The following ZNF282 variants were observed in gnomAD, a reference collection of about 807,000 sequenced individuals.
ZNF282 encodes zinc finger protein 282.
In ZNF282, 30 loss-of-function variants were observed where a neutral mutation model predicts 61.9. That is an observed-to-expected ratio of 0.48 (90% CI 0.36 to 0.66). The LOEUF (loss-of-function observed/expected upper bound fraction) is 0.66. ZNF282 is among the 30% of genes least tolerant of loss of function. The probability of loss-of-function intolerance (pLI) is 0.00; values close to 1 mark genes in which losing one functional copy is unlikely to be tolerated. For synonymous variants in ZNF282, 396 were observed against 405.0 expected (o/e 0.98, Z 0.27); for missense variants, 788 against 941.4 (o/e 0.84, Z 2.13).
chr7:149,217,117 A>T (rs1330317997), intron 7 of ZNF282, among the ~76,000 whole-genome samples: 1 of 152,224 alleles, frequency 6.6e-6, no homozygotes, highest in African/African-American at 2.4e-5. Context: ...CACCCTCTTG[A>T]AATTCCCACA....
chr7:149,221,568 CAG>C (rs1563181280), intron 7 of ZNF282, among the ~76,000 whole-genome samples: 1 of 152,126 alleles, frequency 6.6e-6, no homozygotes, highest in African/African-American at 2.4e-5. Context: ...ACTGGGTAGA[CAG>C]AGAAGCAAAC....
Position 149,195,722 on chromosome 7 carries a change from G to C in ZNF282, c.133G>C (p.Gly45Arg), listed in dbSNP as rs765727270. The change falls in exon 1 of 8, where the codon GGG becomes CGG. Residue 45 changes from glycine to arginine, a missense_variant. Gly to Arg is a moderately radical substitution (Grantham distance 125). Transcript: ENST00000610704. ...CTGCCACCAGGAGCCGGCGCTGCGC[G>C]GGGAAATGGCCGAGGGAATGCCGCC... ...EVCHQEPALR[G>R]EMAEGMPPMQ... 16 of 1,543,564 alleles carry C rather than the reference G, an allele frequency of 1.0e-5. No homozygotes were observed. Among genetic ancestry groups the C allele is most frequent in the Non-Finnish European group, 1.4e-5 (16 of 1,145,862 alleles).
In ZNF282 at chr7:149,225,253, C is replaced by A. The variant is rs1480480906; in HGVS notation, c.*606C>A. ...CCAATCACACGGGAAGGGGCGCGCG[C>A]TGCCCAACCGCGCTCTCCGCCTACC... On this transcript the variant is annotated 3_prime_UTR_variant, in exon 8 of 8. Transcript: ENST00000610704. The A allele has an allele frequency of 1.9e-5, 3 of 154,054 alleles. No homozygotes were observed. The highest frequency in any genetic ancestry group is 2.9e-5 in the Non-Finnish European group (2 of 69,140). The allele number at this position is 154,054 out of a possible 1,614,324, so 9.5% of individuals were successfully genotyped here. A position where few individuals can be genotyped will look rare whatever the true frequency, so the allele number is the denominator to read the frequency against.
intron 2 of ZNF282, among the ~76,000 whole-genome samples, chr7:149,200,671 C>T (rs1795894506): frequency 6.6e-6 from 1 of 152,192 alleles, no homozygotes; most frequent in South Asian, 2.1e-4. Flanking sequence ...TCTTGGCTCA[C>T]TGCAACCTCT....
At chr7:149,195,782 C>T (rs1217580683) in intron 1 of ZNF282, 28 bp downstream of exon 1, 5 of 1,467,702 alleles carry the variant, frequency 3.4e-6, no homozygotes, top group Non-Finnish European at 3.6e-6. Context: ...GCGCCATGGC[C>T]GCGCTGCCGT....
At position 149,195,585 on chromosome 7, in the gene ZNF282, C is replaced by A. The variant is rs761003697; in HGVS notation, c.-5C>A. ...CCGACCCGAGCGGGGAACAGCACTCCCAGGATGCAGTTTGTGTCAACACGG... is the reference window on the plus strand; with the variant it reads ...CCGACCCGAGCGGGGAACAGCACTCACAGGATGCAGTTTGTGTCAACACGG... On this transcript the variant is annotated 5_prime_UTR_variant, in exon 1 of 8. Coordinates refer to ENST00000610704, the MANE Select transcript of ZNF282 (RefSeq NM_003575.4). The A allele has an allele frequency of 6.2e-7, 1 of 1,609,716 alleles. No individual in the cohort carries two copies. The highest frequency in any genetic ancestry group is 8.5e-7 in the Non-Finnish European group (1 of 1,178,350).
chr7:149,219,882 T>C (rs1314729284), intron 7 of ZNF282, among the ~76,000 whole-genome samples: 1 of 151,778 alleles, frequency 6.6e-6, no homozygotes, highest in Non-Finnish European at 1.5e-5. Context: ...ATGGCAAGGG[T>C]GCATGCCTGA....
chr7:149,201,623 G>A (rs1012251195), intron 2 of ZNF282, among the ~76,000 whole-genome samples: 6 of 152,056 alleles, frequency 3.9e-5, no homozygotes, highest in Non-Finnish European at 7.4e-5. Flanking sequence ...ATGGTGGCAG[G>A]CACCTGTAAT....
chr7:149,199,724 C>G (rs933222101), intron 2 of ZNF282, among the ~76,000 whole-genome samples: 1 of 152,048 alleles, frequency 6.6e-6, no homozygotes, highest in African/African-American at 2.4e-5. Context: ...ATAATGGGTC[C>G]CCATGTATCC....
intron 2 of ZNF282, among the ~76,000 whole-genome samples, chr7:149,199,258 G>A (rs1259254737): frequency 2.6e-5 from 4 of 152,078 alleles, no homozygotes; most frequent in Non-Finnish European, 4.4e-5. Context: ...TTTCCTCCCG[G>A]ATCCTCAATG....
chr7:149,213,774 C>A lies in ZNF282; in HGVS notation c.1140C>A (p.Arg380=). 1 of 1,613,930 alleles carries A rather than the reference C, an allele frequency of 6.2e-7. No homozygotes were observed. The highest frequency in any genetic ancestry group is 8.5e-7 in the Non-Finnish European group (1 of 1,179,962). Residue 380 remains arginine, a synonymous_variant, in exon 7 of 8, where the codon CGC becomes CGA. Coordinates refer to ENST00000610704, the MANE Select transcript of ZNF282 (RefSeq NM_003575.4). ...AGCAGCCATACCCATGGGGACCACG[C>A]GACTCAATGGACGGAGAGCTTGGAT... is the stretch of plus-strand genomic sequence containing the variant. ...QEEQPYPWGP[R]DSMDGELGLD...
chr7:149,221,522 T>A (rs978281308), intron 7 of ZNF282, among the ~76,000 whole-genome samples: 2 of 152,182 alleles, frequency 1.3e-5, no homozygotes, highest in African/African-American at 4.8e-5. Context: ...GCAAGTCCTC[T>A]GGGAATAACA....
intron 3 of ZNF282, 131 bp from the exon 4 acceptor site, chr7:149,207,220 G>T: frequency 1.7e-6 from 2 of 1,177,900 alleles, no homozygotes; most frequent in Non-Finnish European, 1.1e-6. Context: ...CGCCTAACTC[G>T]CATAACTGCT....
chr7:149,196,776 G>T (rs1279200475), intron 1 of ZNF282, among the ~76,000 whole-genome samples: 8 of 152,136 alleles, frequency 5.3e-5, no homozygotes, highest in Admixed American at 5.2e-4. Flanking sequence ...GGAGGAATGG[G>T]TGCTTTTGAT....
rs75250414 is a variant in ZNF282, at chr7:149,209,957, G to A, written c.833-628G>A. Reference sequence around the variant, plus strand: ...AATGTTATAACTAAACATCATAGAAGGAAATGATGTTATTTGAGGATCTGC... The same window carrying A: ...AATGTTATAACTAAACATCATAGAAAGAAATGATGTTATTTGAGGATCTGC... On this transcript the variant is annotated intron_variant, in intron 4 of 7. Coordinates refer to ENST00000610704, the MANE Select transcript of ZNF282 (RefSeq NM_003575.4). Among the ~76,000 whole-genome samples the A allele has an allele frequency of 9.8e-3, 1,488 of 152,186 alleles. 13 individuals are homozygous for A. The highest frequency in any genetic ancestry group is 0.014 in the Non-Finnish European group (984 of 68,000).
At chr7:149,204,689 G>A (rs1484465421) in intron 2 of ZNF282, among the ~76,000 whole-genome samples, 1 of 152,264 alleles carries the variant, frequency 6.6e-6, no homozygotes, top group South Asian at 2.1e-4. Context: ...AGAATGAAAC[G>A]TTTGAAACAA....
chr7:149,204,783 T>C (rs1314029486), intron 2 of ZNF282, among the ~76,000 whole-genome samples: 1 of 152,054 alleles, frequency 6.6e-6, no homozygotes, highest in Non-Finnish European at 1.5e-5. Flanking sequence ...TATGAATTGG[T>C]GGTGGATGTC....
chr7:149,202,153 T>C (rs527783891), intron 2 of ZNF282, among the ~76,000 whole-genome samples: 65 of 147,634 alleles, frequency 4.4e-4, no homozygotes, highest in African/African-American at 1.6e-3. Flanking sequence ...TATGCTTCTT[T>C]TTTTTTTTTT....
chr7:149,205,692 G>T (rs958574380), intron 2 of ZNF282, among the ~76,000 whole-genome samples: 6 of 152,138 alleles, frequency 3.9e-5, no homozygotes, highest in South Asian at 2.1e-4. Flanking sequence ...TTACATAAAG[G>T]TGCTGCCCAC....
Sources: gnomAD v4.1 joint callset for allele counts (sites outside exome capture counted in the v4.1 genomes callset) on GRCh38, gnomAD v4.1.1 for gene constraint, MANE v1.5 for transcripts, NCBI Gene and HGNC (gene_info 2026-07-23, HGNC 2026-07-21) for gene names.